The following NUP153 variants were observed in gnomAD, a reference collection of about 807,000 sequenced individuals.
The protein encoded by NUP153 is nuclear pore complex protein Nup153.
A neutral mutation model predicts 134.6 loss-of-function variants in NUP153; 27 were observed. The observed-to-expected ratio is 0.20, with a 90% CI of 0.15 to 0.28. NUP153 has a LOEUF of 0.28. Ranked by LOEUF, NUP153 falls within the 10% of genes least tolerant of loss-of-function variation. NUP153 has a pLI of 1.00. For synonymous variants in NUP153, 640 were observed against 623.5 expected (o/e 1.03, Z -0.40); for missense variants, 1,821 against 1,731.3 (o/e 1.05, Z -0.92).
At chr6:17,650,819 A>G (rs1766460804) in intron 11 of NUP153, among the ~76,000 whole-genome samples, 1 of 152,310 alleles carries the variant, frequency 6.6e-6, no homozygotes, top group Non-Finnish European at 1.5e-5. Context: ...TTGAATTTAC[A>G]GCCTCTCCAG....
intron 2 of NUP153, among the ~76,000 whole-genome samples, chr6:17,686,880 CCGGGGGCGGGCGGCGGGGGA>C (rs1768965462): frequency 1.2e-4 from 1 of 8,214 alleles, no homozygotes; most frequent in Non-Finnish European, 2.6e-4. Flanking sequence ...TAATGGGCAG[CCGGGGGCGGGCGGCGGGGGA>C]GGGGGGCGGG....
In NUP153 at chr6:17,675,197, A is replaced by T; in HGVS notation, c.723+32T>A. On this transcript the variant is annotated intron_variant, in intron 4 of 21. Coordinates refer to ENST00000262077, the MANE Select transcript of NUP153 (RefSeq NM_005124.4). The surrounding 1 kb of genome is among the most constrained non-coding windows in gnomAD (Gnocchi z 4.4). ...TATAAGCAATAAACACTCAAAACTA[A>T]TGTGATTAAATCCAACCCAGTTAGT... 6.2e-7 allele frequency: 1 copy of T among 1,609,446 alleles called. No homozygotes were observed. Among genetic ancestry groups the T allele is most frequent in the South Asian group, 1.1e-5 (1 of 89,940 alleles).
chr6:17,639,826 A>C (rs1765744996), intron 15 of NUP153, 113 bp downstream of exon 15: 1 of 913,584 alleles, frequency 1.1e-6, no homozygotes, highest in East Asian at 2.6e-5. Context: ...TTCAAAAGTA[A>C]ATCTCCTACC....
At chr6:17,677,393 A>T (rs1050257627) in intron 2 of NUP153, among the ~76,000 whole-genome samples, 3 of 152,116 alleles carry the variant, frequency 2.0e-5, no homozygotes, top group African/African-American at 7.2e-5. Context: ...AGAAAAAAGA[A>T]AACTGTGATC....
intron 1 of NUP153, among the ~76,000 whole-genome samples, chr6:17,689,280 A>G (rs138392855): frequency 0.011 from 1,641 of 152,080 alleles, 32 homozygotes; most frequent in African/African-American, 0.036. Flanking sequence ...CCAGCTACTC[A>G]GGAGGCTGAG....
chr6:17,665,725 T>A (rs915085877), intron 8 of NUP153, among the ~76,000 whole-genome samples: 3 of 141,206 alleles, frequency 2.1e-5, no homozygotes, highest in Non-Finnish European at 4.8e-5. Flanking sequence ...CAGTTTTTTG[T>A]TTTTTTTTTT....
At chr6:17,705,047 G>C (rs1481248413) in intron 1 of NUP153, among the ~76,000 whole-genome samples, 2 of 152,174 alleles carry the variant, frequency 1.3e-5, no homozygotes, top group Admixed American at 6.5e-5. Flanking sequence ...GTGAGCCAAC[G>C]CGCCCGACCC....
intron 11 of NUP153, 45 bp downstream of exon 11, chr6:17,661,608 T>C (rs1368111446): frequency 6.3e-7 from 1 of 1,579,440 alleles, no homozygotes; most frequent in African/African-American, 1.4e-5. Flanking sequence ...ACCACACCAA[T>C]GCTTTTTAAA....
intron 5 of NUP153, among the ~76,000 whole-genome samples, chr6:17,674,474 A>C (rs1259476548): frequency 6.6e-6 from 1 of 152,210 alleles, no homozygotes; most frequent in African/African-American, 2.4e-5. Context: ...AACAATATTA[A>C]ATCAAAACTA....
rs370569267 is a variant in NUP153, at chr6:17,629,713, G to A, written c.2660-174C>T. On this transcript the variant is annotated intron_variant, in intron 17 of 21. Transcript: ENST00000262077. ...AAGGTGACCTATATTTAGTCGGTAT[G>A]AGAATGATATCTCAATCCTCACAAC... is the stretch of plus-strand genomic sequence containing the variant. Among the ~76,000 whole-genome samples the A allele has an allele frequency of 8.4e-4, 128 of 152,326 alleles. 1 individual carries two copies. The highest frequency in any genetic ancestry group is 2.8e-3 in the African/African-American group (118 of 41,566).
chr6:17,646,034 T>G (rs1383808372), intron 14 of NUP153, 33 bp downstream of exon 14: 1 of 954,404 alleles, frequency 1.0e-6, no homozygotes, highest in Non-Finnish European at 1.7e-6. Flanking sequence ...ATGCAATTGT[T>G]TGTATGTTAA....
At position 17,638,725 on chromosome 6, in the gene NUP153, G is replaced by A. The variant is rs1765687579; in HGVS notation, c.1847-955C>T. The stretch of plus-strand genomic sequence containing the variant: ...TATTTAAGAAGTAAAAAGGGAGCAG[G>A]GGGAGGTTGGCATCATGAATGCAAA... On this transcript the variant is annotated intron_variant, in intron 15 of 21. Coordinates refer to ENST00000262077, the MANE Select transcript of NUP153 (RefSeq NM_005124.4). The surrounding 1 kb of genome is among the most constrained non-coding windows in gnomAD (Gnocchi z 4.0). Among the ~76,000 whole-genome samples, 2 of 152,162 alleles carry A rather than the reference G, an allele frequency of 1.3e-5. No individual in the cohort carries two copies. Among genetic ancestry groups the A allele is most frequent in the East Asian group, 1.9e-4 (1 of 5,192 alleles).
chr6:17,649,132 T>A, intron 12 of NUP153, 31 bp downstream of exon 12: 3 of 1,560,392 alleles, frequency 1.9e-6, no homozygotes, highest in South Asian at 2.4e-5. Flanking sequence ...AAAGAACAAA[T>A]GTCACCTGTA....
chr6:17,700,961 T>C (rs1770018747), intron 1 of NUP153, among the ~76,000 whole-genome samples: 1 of 152,242 alleles, frequency 6.6e-6, no homozygotes, highest in Non-Finnish European at 1.5e-5. Context: ...GGCTCATGCC[T>C]GTAATCCCAG....
chr6:17,669,816 G>A (rs1264928043), intron 5 of NUP153, among the ~76,000 whole-genome samples: 4 of 152,066 alleles, frequency 2.6e-5, no homozygotes, highest in South Asian at 2.1e-4. Context: ...AGTATGGGCC[G>A]GGCATGGTGG....
intron 1 of NUP153, among the ~76,000 whole-genome samples, chr6:17,692,919 C>G (rs940628559): frequency 6.6e-6 from 1 of 152,082 alleles, no homozygotes; most frequent in Non-Finnish European, 1.5e-5. Context: ...AAGGCTTAAT[C>G]TTCAGTTATC....
At chr6:17,641,390 C>G (rs1765831853) in intron 14 of NUP153, among the ~76,000 whole-genome samples, 1 of 151,864 alleles carries the variant, frequency 6.6e-6, no homozygotes, top group Non-Finnish European at 1.5e-5. Flanking sequence ...CAAAAAGTAG[C>G]TGGGTGTGGT....
Position 17,675,683 on chromosome 6 carries a change from A to G in NUP153, c.422T>C (p.Leu141Ser). The stretch of plus-strand genomic sequence containing the variant: ...CTGACAGTGTAATGCAGGGGATTCC[A>G]ACATGGAAAAATTCAGATGGCTCCG... ...LHRSHLNFSM[L>S]ESPALHCQPS... Residue 141 changes from leucine to serine, a missense_variant, in exon 3 of 22, where the codon TTG becomes TCG. Leu to Ser is a moderately radical substitution (Grantham distance 145, BLOSUM62 -2). Coordinates refer to ENST00000262077, the MANE Select transcript of NUP153 (RefSeq NM_005124.4). This position sits in a 1 kb window ranked among gnomAD's most constrained non-coding sequence, Gnocchi z 4.4. 1 of 1,614,110 alleles carries G rather than the reference A, an allele frequency of 6.2e-7. No homozygotes were observed. Among genetic ancestry groups the G allele is most frequent in the Non-Finnish European group, 8.5e-7 (1 of 1,179,966 alleles).
At chr6:17,623,890 C>T (rs897778931) in intron 20 of NUP153, among the ~76,000 whole-genome samples, 5 of 151,996 alleles carry the variant, frequency 3.3e-5, no homozygotes, top group South Asian at 4.2e-4. Flanking sequence ...AAAGACAAGG[C>T]GGTGGTCATC....
Sources: gnomAD v4.1 joint callset for allele counts (sites outside exome capture counted in the v4.1 genomes callset) on GRCh38, gnomAD v4.1.1 for gene constraint, Gnocchi (gnomAD v3.1) non-coding constraint, MANE v1.5 for transcripts, NCBI Gene and HGNC (gene_info 2026-07-23, HGNC 2026-07-21) for gene names.